The following GALNT13 variants were observed in gnomAD, a reference collection of about 807,000 sequenced individuals.
GALNT13 encodes UDP-GalNAc:polypeptide N-acetylgalactosaminyltransferase 13.
GALNT13 carries 28 observed loss-of-function variants against 64.2 expected under a neutral mutation model. The observed-to-expected ratio is 0.44, with a 90% CI of 0.32 to 0.60. The LOEUF is 0.60. Among genes scored for constraint, GALNT13 ranks in the 20% least tolerant of loss-of-function variants. GALNT13 has a pLI of 0.05. For synonymous variants in GALNT13, 214 were observed against 224.6 expected, an observed-to-expected ratio of 0.95 and a Z score of 0.42; for missense variants, 577 against 669.8, an observed-to-expected ratio of 0.86 and a Z score of 1.53.
the GALNT13 span, among the ~76,000 whole-genome samples, chr2:153,215,032 TACTC>T: frequency 9.2e-5 from 14 of 152,154 alleles, no homozygotes; most frequent in Non-Finnish European, 1.8e-4. Context: ...ATTATGACGA[TACTC>T]ACCATCACTA....
chr2:153,185,498 G>C, the GALNT13 span, among the ~76,000 whole-genome samples: 2 of 152,012 alleles, frequency 1.3e-5, no homozygotes, highest in Non-Finnish European at 2.9e-5. Context: ...TCCTCTACTA[G>C]CTTTGGGGCT....
At chr2:153,980,587 A>G (rs1393555144) in intron 3 of GALNT13, among the ~76,000 whole-genome samples, 1 of 152,172 alleles carries the variant, frequency 6.6e-6, no homozygotes, top group Non-Finnish European at 1.5e-5. Context: ...AGTCTTGGAT[A>G]GGTTGCACTT....
At chr2:153,872,994 C>A (rs1260130060) in intron 1 of GALNT13, among the ~76,000 whole-genome samples, 1 of 152,008 alleles carries the variant, frequency 6.6e-6, no homozygotes, top group African/African-American at 2.4e-5. Flanking sequence ...TATCTGTGTC[C>A]CTGTTAATCT....
At chr2:153,663,067 G>A in the GALNT13 span, among the ~76,000 whole-genome samples, 20 of 152,242 alleles carry the variant, frequency 1.3e-4, no homozygotes, top group Non-Finnish European at 2.4e-4. Flanking sequence ...AAAATAACAA[G>A]GATGGGAAGA....
intron 3 of GALNT13, among the ~76,000 whole-genome samples, chr2:153,993,190 C>T (rs559411200): frequency 6.4e-4 from 97 of 152,108 alleles, no homozygotes; most frequent in African/African-American, 2.2e-3. Context: ...CCATTTACAA[C>T]TATTGTATAT....
At chr2:154,310,614 A>G (rs555474209) in intron 9 of GALNT13, among the ~76,000 whole-genome samples, 1 of 152,276 alleles carries the variant, frequency 6.6e-6, no homozygotes, top group African/African-American at 2.4e-5. Flanking sequence ...ATAAGCAGTT[A>G]GGTAGGTTTC....
chr2:153,208,639 C>A, the GALNT13 span, among the ~76,000 whole-genome samples: 1 of 152,082 alleles, frequency 6.6e-6, no homozygotes, highest in African/African-American at 2.4e-5. Context: ...TGTAGGCATT[C>A]ATTTTCATTT....
the GALNT13 span, among the ~76,000 whole-genome samples, chr2:153,122,349 A>G: frequency 6.6e-6 from 1 of 152,140 alleles, no homozygotes; most frequent in Admixed American, 6.5e-5. Context: ...TTTATCCCCC[A>G]AAATGTAGTA....
intron 4 of GALNT13, among the ~76,000 whole-genome samples, chr2:154,143,845 A>T (rs12329280): frequency 1.5e-5 from 2 of 132,264 alleles, no homozygotes; most frequent in Non-Finnish European, 3.1e-5. Context: ...TGGGTGACAG[A>T]GTAAGACTCT....
intron 3 of GALNT13, among the ~76,000 whole-genome samples, chr2:153,988,059 T>TAC (rs1363454621): frequency 3.7e-5 from 4 of 108,290 alleles, no homozygotes; most frequent in Non-Finnish European, 4.4e-5. Flanking sequence ...GGAGGTGACA[T>TAC]ATATATATAT....
At chr2:154,385,327 T>C (rs1285647222) in intron 9 of GALNT13, among the ~76,000 whole-genome samples, 2 of 151,946 alleles carry the variant, frequency 1.3e-5, no homozygotes, top group Non-Finnish European at 2.9e-5. Context: ...ATCACACTGA[T>C]GTTAGGTCAG....
At chr2:154,454,896 G>A (rs901694614), downstream of GALNT13, among the ~76,000 whole-genome samples, 1 of 152,046 alleles carries the variant, frequency 6.6e-6, no homozygotes, top group Non-Finnish European at 1.5e-5. Flanking sequence ...ATTATCTTCA[G>A]GTTAAAAGTA....
rs530101025 is a variant in GALNT13 at position 154,359,916 on chromosome 2, G to T, written c.1157-36075G>T. 2.6e-5 allele frequency among the ~76,000 whole-genome samples: 4 copies of T among 152,172 alleles called. No homozygotes were observed. The East Asian group carries it at 7.7e-4, about 29-fold the overall frequency. ...CTTAATGTAATAGAATGCTGTCTAA[G>T]GCAATCTGTTAAGGTAGACTTACTG... is the stretch of plus-strand genomic sequence containing the variant. On this transcript the variant is annotated intron_variant, in intron 9 of 12. Transcript: ENST00000392825.
Position 154,408,992 on chromosome 2 carries a change from T to C in GALNT13, c.1305T>C (p.Asn435=). Residue 435 remains asparagine, a synonymous_variant, in exon 11 of 13, where the codon AAT becomes AAC. Transcript: ENST00000392825. ...TTGTGTGTTTCCTTTAGATAAGAAA[T>C]GTTGAAACCAATCAGTGTTTAGACA... The part of the protein sequence containing the change: ...RRYYSLGEIR[N]VETNQCLDNM... 6.2e-7 allele frequency: 1 copy of C among 1,605,134 alleles called. No homozygotes were observed. Among genetic ancestry groups the C allele is most frequent in the Non-Finnish European group, 8.5e-7 (1 of 1,172,922 alleles).
At chr2:153,098,026 A>T in the GALNT13 span, among the ~76,000 whole-genome samples, 2 of 152,214 alleles carry the variant, frequency 1.3e-5, no homozygotes, top group African/African-American at 4.8e-5. Flanking sequence ...AGATCATAAC[A>T]CTGCACTCCA....
intron 3 of GALNT13, among the ~76,000 whole-genome samples, chr2:154,002,049 G>A (rs1199180618): frequency 6.6e-6 from 1 of 151,886 alleles, no homozygotes; most frequent in East Asian, 1.9e-4. Context: ...AGCTCTATTG[G>A]GGCTCTGTTG....
chr2:153,249,765 A>G, the GALNT13 span, among the ~76,000 whole-genome samples: 2 of 152,108 alleles, frequency 1.3e-5, no homozygotes, highest in Non-Finnish European at 2.9e-5. Flanking sequence ...TGACAAAAAC[A>G]AGCAATGAGG....
the GALNT13 span, among the ~76,000 whole-genome samples, chr2:153,276,183 T>G: frequency 1.4e-4 from 21 of 152,154 alleles, no homozygotes; most frequent in African/African-American, 5.1e-4. Flanking sequence ...TTGTGAATAT[T>G]ATTTCTTTGT....
chr2:153,650,804 A>C, the GALNT13 span, among the ~76,000 whole-genome samples: 56 of 152,244 alleles, frequency 3.7e-4, no homozygotes, highest in Non-Finnish European at 6.9e-4. Context: ...TTTTTTTTTA[A>C]CTAAAGACTG....
Sources: allele counts gnomAD v4.1 joint callset (sites outside exome capture counted in the v4.1 genomes callset), GRCh38; gene constraint gnomAD v4.1.1; transcripts MANE v1.5; gene names NCBI Gene and HGNC (gene_info 2026-07-23, HGNC 2026-07-21).